The following SORCS1 variants were observed in gnomAD, a reference collection of about 807,000 sequenced individuals.
SORCS1 encodes VPS10 domain-containing receptor SorCS1.
A neutral mutation model predicts 146.1 loss-of-function variants in SORCS1; 60 were observed. That is an observed-to-expected ratio of 0.41 (90% CI 0.33 to 0.51). The LOEUF (loss-of-function observed/expected upper bound fraction) is 0.51. SORCS1 is among the 20% of genes least tolerant of loss of function. SORCS1 has a pLI of 0.21. For missense variants in SORCS1, 1,352 were observed against 1,487.6 expected, an observed-to-expected ratio of 0.91 and a Z score of 1.50; for synonymous variants, 637 against 584.0, an observed-to-expected ratio of 1.09 and a Z score of -1.31.
chr10:106,785,255 G>T (rs1564654751), intron 3 of SORCS1, among the ~76,000 whole-genome samples: 1 of 152,184 alleles, frequency 6.6e-6, no homozygotes, highest in Admixed American at 6.5e-5. Flanking sequence ...TTACAGAAGA[G>T]ACTAGAAGTT....
chr10:106,625,228 G>A (rs1848025993), intron 19 of SORCS1, among the ~76,000 whole-genome samples: 1 of 149,170 alleles, frequency 6.7e-6, no homozygotes, highest in African/African-American at 2.5e-5. Flanking sequence ...GTGTGTGTGT[G>A]TGTGTGTGTG....
At chr10:106,873,747 T>C (rs1950501664) in intron 2 of SORCS1, among the ~76,000 whole-genome samples, 1 of 152,204 alleles carries the variant, frequency 6.6e-6, no homozygotes, top group Admixed American at 6.5e-5. Flanking sequence ...AATAGCTGGC[T>C]CCAATTTCTA....
At chr10:107,095,672 A>C (rs574792345) in intron 1 of SORCS1, among the ~76,000 whole-genome samples, 4 of 152,278 alleles carry the variant, frequency 2.6e-5, no homozygotes, top group African/African-American at 9.6e-5. Context: ...ACAGTGTACA[A>C]ATTTTAAATC....
intron 1 of SORCS1, among the ~76,000 whole-genome samples, chr10:106,974,570 C>T (rs12261621): frequency 0.051 from 7,738 of 152,200 alleles, 597 homozygotes; most frequent in African/African-American, 0.17. Flanking sequence ...GACCTTCACA[C>T]GCTCTAGAGG....
chr10:106,894,360 T>C (rs1951378956), intron 2 of SORCS1, among the ~76,000 whole-genome samples: 1 of 151,928 alleles, frequency 6.6e-6, no homozygotes, highest in Non-Finnish European at 1.5e-5. Context: ...AGGTTGCTGT[T>C]ACATGTTCTG....
intron 1 of SORCS1, among the ~76,000 whole-genome samples, chr10:107,075,208 G>A (rs985767185): frequency 3.9e-5 from 6 of 152,094 alleles, no homozygotes; most frequent in Non-Finnish European, 7.4e-5. Context: ...GGTAATGAGA[G>A]CACAAGCCAG....
At chr10:107,091,518 C>T (rs542314653) in intron 1 of SORCS1, among the ~76,000 whole-genome samples, 1 of 152,304 alleles carries the variant, frequency 6.6e-6, no homozygotes, top group Admixed American at 6.5e-5. Context: ...CTGACAGTCC[C>T]ATAAACTTGG....
intron 1 of SORCS1, among the ~76,000 whole-genome samples, chr10:106,996,538 A>G (rs1957014307): frequency 6.6e-6 from 1 of 152,170 alleles, no homozygotes; most frequent in African/African-American, 2.4e-5. Flanking sequence ...GATCCTTAGA[A>G]ATCAGTTATA....
intron 4 of SORCS1, among the ~76,000 whole-genome samples, chr10:106,764,096 C>T (rs570369040): frequency 6.2e-4 from 94 of 152,278 alleles, no homozygotes; most frequent in African/African-American, 2.2e-3. Flanking sequence ...GGATTTATAA[C>T]TAGAGGCGTA....
At chr10:107,159,011 TG>T (rs904846441) in intron 1 of SORCS1, among the ~76,000 whole-genome samples, 1 of 97,544 alleles carries the variant, frequency 1.0e-5, no homozygotes, top group Middle Eastern at 6.1e-3. Flanking sequence ...GGCATTTTTT[TG>T]GGGGGGAAGG....
At position 106,575,579 on chromosome 10, in the gene SORCS1, T is replaced by C. The variant is rs971140438; in HGVS notation, c.*1841A>G. ...CCCTCTTTCTCTGAGCCTTCTTTCATGATTACCCTGGGAAAAATGGGGTTT... is the reference window on the plus strand; with the variant it reads ...CCCTCTTTCTCTGAGCCTTCTTTCACGATTACCCTGGGAAAAATGGGGTTT... On this transcript the variant is annotated 3_prime_UTR_variant, in exon 26 of 26. Transcript: ENST00000263054. The C allele has an allele frequency of 6.6e-6, 1 of 152,450 alleles. No homozygotes were observed. Among genetic ancestry groups the C allele is most frequent in the Admixed American group, 6.5e-5 (1 of 15,292 alleles). The allele number at this position is 152,450 out of a possible 1,614,324, so 9.4% of individuals were successfully genotyped here.
intron 3 of SORCS1, among the ~76,000 whole-genome samples, chr10:106,788,151 A>G (rs960333679): frequency 6.6e-6 from 1 of 152,188 alleles, no homozygotes; most frequent in Non-Finnish European, 1.5e-5. Flanking sequence ...AGAGCTCATG[A>G]GAACTCACTC....
chr10:106,615,912 C>A (rs982521509), intron 21 of SORCS1, among the ~76,000 whole-genome samples: 1 of 152,086 alleles, frequency 6.6e-6, no homozygotes, highest in Admixed American at 6.5e-5. Flanking sequence ...ATTCTTAGCT[C>A]GTTTATTATA....
intron 1 of SORCS1, among the ~76,000 whole-genome samples, chr10:107,048,502 C>T (rs969471948): frequency 1.3e-5 from 2 of 152,154 alleles, no homozygotes; most frequent in Non-Finnish European, 2.9e-5. Flanking sequence ...TCATTCACTG[C>T]GGTAGCCCCA....
rs142037620 is a variant in SORCS1, at chr10:106,996,663, C to T, written c.559-40083G>A. 5.5e-3 allele frequency among the ~76,000 whole-genome samples: 832 copies of T among 152,284 alleles called. 5 individuals are homozygous for T. The highest frequency in any genetic ancestry group is 0.034 in the Middle Eastern group (10 of 294). On this transcript the variant is annotated intron_variant, in intron 1 of 25. Transcript: ENST00000263054. The stretch of plus-strand genomic sequence containing the variant: ...ATTGTTTTCAGCCCTACAATTTTCC[C>T]ATTTGCAAATGAGGCATCCCAATGA...
chr10:106,724,500 C>T (rs1856010959), intron 6 of SORCS1, among the ~76,000 whole-genome samples: 1 of 148,544 alleles, frequency 6.7e-6, no homozygotes, highest in South Asian at 2.1e-4. Context: ...GAGACTCCAT[C>T]TCAAGAAAAA....
At chr10:106,629,500 T>TAGCTGTAGGAGTGAGCCAG in intron 18 of SORCS1, 112 bp from the exon 19 acceptor site, 1 of 1,026,674 alleles carries the variant, frequency 9.7e-7, no homozygotes, top group Non-Finnish European at 1.4e-6. Context: ...ATGGCAGCCC[T>TAGCTGTAGGAGTGAGCCAG]GGCTCACTCC....
chr10:106,587,127 T>C (rs1845289601), intron 24 of SORCS1, among the ~76,000 whole-genome samples: 1 of 152,234 alleles, frequency 6.6e-6, no homozygotes, highest in African/African-American at 2.4e-5. Context: ...TGGGTCTATG[T>C]ATCTGTGCAA....
intron 1 of SORCS1, among the ~76,000 whole-genome samples, chr10:107,068,573 C>T (rs544891994): frequency 1.3e-5 from 2 of 152,226 alleles, no homozygotes; most frequent in East Asian, 3.9e-4. Context: ...TTTCAGAAAG[C>T]TCACCATGAA....
Sources: allele counts gnomAD v4.1 joint callset (sites outside exome capture counted in the v4.1 genomes callset), GRCh38; gene constraint gnomAD v4.1.1; transcripts MANE v1.5; gene names NCBI Gene and HGNC (gene_info 2026-07-23, HGNC 2026-07-21).